VRK2: variants seen among roughly 807,000 people sequenced by gnomAD.
VRK2 encodes the protein serine/threonine-protein kinase VRK2.
Under a neutral mutation model 57.6 loss-of-function variants are expected in VRK2, and 60 were observed. The observed-to-expected ratio is 1.04, with a 90% CI of 0.85 to 1.29. VRK2 has a LOEUF of 1.29. VRK2 is among the 50% of genes most tolerant of loss of function. VRK2 has a pLI of 0.00. For synonymous variants in VRK2, 231 were observed against 199.2 expected, an observed-to-expected ratio of 1.16 and a Z score of -1.35; for missense variants, 705 against 588.1, an observed-to-expected ratio of 1.20 and a Z score of -2.06.
chr2:58,087,285 TA>T (rs1262907873), intron 5 of VRK2, among the ~76,000 whole-genome samples: 1 of 152,122 alleles, frequency 6.6e-6, no homozygotes, highest in Admixed American at 6.5e-5. Context: ...GCTTTAAATT[TA>T]AAAAAATGAG....
rs397868874 is a variant in VRK2 at position 58,120,184 on chromosome 2, C to CTTTTTTTTTTTTTTTTTTTTTTTT, written c.544-2916_544-2893dup. Among the ~76,000 whole-genome samples, 117 of 51,990 alleles carry CTTTTTTTTTTTTTTTTTTTTTTTT rather than the reference C, an allele frequency of 2.3e-3. 9 individuals are homozygous for CTTTTTTTTTTTTTTTTTTTTTTTT. The highest frequency in any genetic ancestry group is 3.4e-3 in the East Asian group (6 of 1,746). 34.1% of individuals were successfully genotyped at this position (51,990 alleles called of 152,430 possible). A position where few individuals can be genotyped will look rare whatever the true frequency, so the allele number is the denominator to read the frequency against. ...CTTTTTGTCTATTTTTTTTTCTTTTCTTTTTTTTTTTTTTTTTTTTTTTTG... is the reference window on the plus strand; with the variant it reads ...CTTTTTGTCTATTTTTTTTTCTTTTCTTTTTTTTTTTTTTTTTTTTTTTTTTTTTTTTTTTTTTTTTTTTTTTTG... On this transcript the variant is annotated intron_variant, in intron 7 of 12. Transcript: ENST00000340157.
intron 8 of VRK2, among the ~76,000 whole-genome samples, chr2:58,126,989 A>C (rs999594539): frequency 6.6e-6 from 1 of 152,094 alleles, no homozygotes; most frequent in Non-Finnish European, 1.5e-5. Context: ...TAACATATTG[A>C]GCTTTTTTAA....
intron 7 of VRK2, among the ~76,000 whole-genome samples, chr2:58,121,296 G>A (rs1677478219): frequency 6.6e-6 from 1 of 152,146 alleles, no homozygotes; most frequent in African/African-American, 2.4e-5. Flanking sequence ...TTTTAAAATA[G>A]TAAACTATTA....
rs773457432 is a variant in VRK2, at chr2:58,048,949, T to C, written c.118T>C (p.Phe40Leu). The C allele has an allele frequency of 4.3e-6, 7 of 1,613,436 alleles. No individual in the cohort carries two copies. In the Admixed American group the frequency reaches 5.0e-5, roughly 12 times the overall value. Reference protein sequence around the residue: ...VLGKKIGSGGFGLIYLAFPTN... With the variant: ...VLGKKIGSGGLGLIYLAFPTN... ...GGGCAAGAAGATTGGCTCTGGAGGA[T>C]TTGGATTGATATATTTAGGTAAAGT... The change falls in exon 2 of 13, where the codon TTT (phenylalanine) becomes CTT (leucine). Residue 40 changes from phenylalanine (F) to leucine (L), a missense_variant. Phe to Leu is a conservative substitution (Grantham distance 22). Coordinates refer to ENST00000340157, the MANE Select transcript of VRK2 (RefSeq NM_006296.7).
Position 58,149,996 on chromosome 2 carries a change from C to CT in VRK2, c.1182+3540dup, listed in dbSNP as rs55783668. On this transcript the variant is annotated intron_variant, in intron 12 of 12. Transcript: ENST00000340157. ...TGGTCTGTAATTTTCTTTTTCTTTTCTTTTTTTTTTTTTTTTTTGCAAAGT... is the reference window on the plus strand; with the variant it reads ...TGGTCTGTAATTTTCTTTTTCTTTTCTTTTTTTTTTTTTTTTTTTGCAAAGT... 4.1e-3 allele frequency among the ~76,000 whole-genome samples: 439 copies of CT among 108,302 alleles called. 2 individuals carry two copies. The highest frequency in any genetic ancestry group is 0.015 in the East Asian group (58 of 3,930). The allele number at this position is 108,302 out of a possible 152,430, so 71.1% of individuals were successfully genotyped here.
chr2:57,964,297 A>T (rs1671845573), intron 1 of VRK2, among the ~76,000 whole-genome samples: 1 of 152,220 alleles, frequency 6.6e-6, no homozygotes, highest in Middle Eastern at 3.2e-3. Context: ...TATTAAGAAA[A>T]TCAAAAGGTA....
chr2:58,136,474 TC>T (rs1680028989), intron 10 of VRK2, among the ~76,000 whole-genome samples: 1 of 151,748 alleles, frequency 6.6e-6, no homozygotes, highest in East Asian at 1.9e-4. Context: ...AACCTCCCCT[TC>T]CTAGGTTCAA....
chr2:58,130,129 A>C (rs1678966104), intron 8 of VRK2, among the ~76,000 whole-genome samples: 4 of 152,108 alleles, frequency 2.6e-5, no homozygotes, highest in African/African-American at 9.7e-5. Context: ...GGTAGGGGGA[A>C]ATGGCTAGGA....
At chr2:57,952,564 C>T (rs1671459238) in intron 1 of VRK2, among the ~76,000 whole-genome samples, 1 of 152,066 alleles carries the variant, frequency 6.6e-6, no homozygotes, top group Non-Finnish European at 1.5e-5. Context: ...AGGTATATAT[C>T]CTGAACATAC....
rs546959853 is a variant in VRK2, at chr2:58,067,425, G to C, written c.137-16664G>C. Among the ~76,000 whole-genome samples, 25 of 152,154 alleles carry C rather than the reference G, an allele frequency of 1.6e-4. No homozygotes were observed. The East Asian group carries it at 4.8e-3, about 29-fold the overall frequency. ...ACTAATACAGTTGTCAAATTTATGGGTATAGAATTGTTAATATTTATTATA... is the reference window on the plus strand; with the variant it reads ...ACTAATACAGTTGTCAAATTTATGGCTATAGAATTGTTAATATTTATTATA... On this transcript the variant is annotated intron_variant, in intron 2 of 12. Transcript: ENST00000340157.
Position 58,159,697 on chromosome 2 carries a change from T to G in VRK2, c.*4T>G. The G allele has an allele frequency of 6.2e-7, 1 of 1,612,460 alleles. No homozygotes were observed. The highest frequency in any genetic ancestry group is 8.5e-7 in the Non-Finnish European group (1 of 1,179,390). ...TCTTGCTTTATTTTTTCTCTGAAGA[T>G]GATACCAAAATTCCTTTTGATAATT... On this transcript the variant is annotated 3_prime_UTR_variant, in exon 13 of 13. Transcript: ENST00000340157.
chr2:58,137,156 TTATA>T (rs1207275177), intron 10 of VRK2, among the ~76,000 whole-genome samples: 2 of 24,456 alleles, frequency 8.2e-5, no homozygotes, highest in African/African-American at 1.2e-4. Context: ...TATCATGTGT[TTATA>T]TATATCATAT....
At chr2:58,086,013 G>C (rs963793451) in intron 4 of VRK2, among the ~76,000 whole-genome samples, 2 of 148,854 alleles carry the variant, frequency 1.3e-5, no homozygotes, top group African/African-American at 4.9e-5. Flanking sequence ...TGATCTTTTG[G>C]TGGTTAACAT....
intron 7 of VRK2, among the ~76,000 whole-genome samples, chr2:58,122,345 G>A (rs1443204623): frequency 6.6e-6 from 1 of 152,066 alleles, no homozygotes; most frequent in Admixed American, 6.5e-5. Context: ...CTCCAAAAAC[G>A]TTACTAATAG....
chr2:57,976,835 A>G (rs1037621869), intron 1 of VRK2, among the ~76,000 whole-genome samples: 1 of 152,040 alleles, frequency 6.6e-6, no homozygotes, highest in Non-Finnish European at 1.5e-5. Flanking sequence ...TTGTCTTCCA[A>G]AGTTTTTATA....
At chr2:57,984,547 G>T (rs1202877535) in intron 1 of VRK2, among the ~76,000 whole-genome samples, 1 of 152,056 alleles carries the variant, frequency 6.6e-6, no homozygotes, top group Non-Finnish European at 1.5e-5. Flanking sequence ...TTAAAAGTTT[G>T]ATAAAATGCA....
intron 3 of VRK2, among the ~76,000 whole-genome samples, chr2:58,040,796 G>A (rs1359259983): frequency 1.3e-5 from 2 of 152,184 alleles, no homozygotes; most frequent in African/African-American, 4.8e-5. Context: ...ACAAAGTGAT[G>A]GAGCACATCT....
chr2:57,922,043 C>T (rs1195737446), intron 1 of VRK2, among the ~76,000 whole-genome samples: 1 of 151,822 alleles, frequency 6.6e-6, no homozygotes, highest in Non-Finnish European at 1.5e-5. Flanking sequence ...TTTTCAATAC[C>T]TCATCTGAAT....
At chr2:57,989,631 T>A (rs545110804) in intron 1 of VRK2, among the ~76,000 whole-genome samples, 1 of 152,204 alleles carries the variant, frequency 6.6e-6, no homozygotes, top group Admixed American at 6.5e-5. Flanking sequence ...GCCACTGATA[T>A]AATCAATAAA....
Sources: allele counts gnomAD v4.1 joint callset (sites outside exome capture counted in the v4.1 genomes callset), GRCh38; gene constraint gnomAD v4.1.1; transcripts MANE v1.5; gene names NCBI Gene and HGNC (gene_info 2026-07-23, HGNC 2026-07-21).